The following HEATR4 variants were observed in gnomAD, a reference collection of about 807,000 sequenced individuals.
HEATR4 encodes HEAT repeat-containing protein 4.
In HEATR4, 95 loss-of-function variants were observed where a neutral mutation model predicts 108.8. The ratio of observed to expected loss-of-function variants is 0.87; its 90% CI spans 0.74 to 1.04. HEATR4 has a LOEUF of 1.04. HEATR4 is among the 50% of genes least tolerant of loss of function. The pLI is 0.00. For synonymous variants in HEATR4, 443 were observed against 459.4 expected, an observed-to-expected ratio of 0.96 and a Z score of 0.46; for missense variants, 1,152 against 1,253.8, an observed-to-expected ratio of 0.92 and a Z score of 1.23.
chr14:73,490,928 T>A (rs1885664056), intron 17 of HEATR4: 1 of 1,260,048 alleles, frequency 7.9e-7, no homozygotes, highest in Non-Finnish European at 1.0e-6. Context: ...CCGCGCCCCC[T>A]TCCCAGAGTG....
chr14:73,595,001 A>C, the HEATR4 span: 2 of 1,598,614 alleles, frequency 1.3e-6, no homozygotes, highest in African/African-American at 2.7e-5. Context: ...CACCGCACCC[A>C]ATCTGGATAA....
At chr14:73,590,473 C>T in the HEATR4 span, among the ~76,000 whole-genome samples, 4 of 152,388 alleles carry the variant, frequency 2.6e-5, no homozygotes, top group Admixed American at 6.5e-5. Context: ...CCGCGCCGTG[C>T]GCCCGCACTT....
Position 73,550,941 on chromosome 14 carries a change from G to C in HEATR4, c.-152+7810C>G, listed in dbSNP as rs866330389. ...TTGGGAGACAGAGGCGGGCCGATAC[G>C]AGGTCAGGAGTTCGAGACCAGCCTG... On this transcript the variant is annotated intron_variant, in intron 1 of 17. Transcript: ENST00000553558. 4.5e-4 allele frequency among the ~76,000 whole-genome samples: 51 copies of C among 114,142 alleles called. 13 individuals are homozygous for C. The highest frequency in any genetic ancestry group is 8.5e-4 in the South Asian group (3 of 3,550). The allele number at this position is 114,142 out of a possible 152,430, so 74.9% of individuals were successfully genotyped here. A position where few individuals can be genotyped will look rare whatever the true frequency, so the allele number is the denominator to read the frequency against.
chr14:73,504,712 G>T (rs1182188249), intron 10 of HEATR4, among the ~76,000 whole-genome samples: 1 of 152,124 alleles, frequency 6.6e-6, no homozygotes, highest in Admixed American at 6.5e-5. Context: ...AAAATGTCAG[G>T]GTTACAGAGT....
intron 10 of HEATR4, among the ~76,000 whole-genome samples, chr14:73,505,819 G>A (rs78308135): frequency 0.01 from 1,514 of 150,502 alleles, 32 homozygotes; most frequent in African/African-American, 0.035. Flanking sequence ...CAATTTTGGC[G>A]GGGGGGAAAT....
chr14:73,574,669 A>C, the HEATR4 span, among the ~76,000 whole-genome samples: 38 of 152,186 alleles, frequency 2.5e-4, no homozygotes, highest in East Asian at 6.2e-3. Flanking sequence ...AGATTAAGGA[A>C]CTGAGAAACC....
the HEATR4 span, among the ~76,000 whole-genome samples, chr14:73,615,388 T>TTAAAAAAAAAAA: frequency 1.6e-5 from 1 of 63,338 alleles, no homozygotes; most frequent in Admixed American, 1.8e-4. Flanking sequence ...CTCTGTCTGA[T>TTAAAAAAAAAAA]AAAAAAAAAA....
chr14:73,611,291 G>C, the HEATR4 span, among the ~76,000 whole-genome samples: 1 of 152,144 alleles, frequency 6.6e-6, no homozygotes, highest in African/African-American at 2.4e-5. Flanking sequence ...GCATTAGCAA[G>C]ATACTGAAAA....
chr14:73,478,542 TA>T lies in HEATR4; in HGVS notation c.*63del, dbSNP rs1885103690. 2.8e-6 allele frequency: 3 copies of T among 1,066,054 alleles called. No individual in the cohort carries two copies. The African/African-American group carries it at 4.8e-5, about 17-fold the overall frequency. The allele number at this position is 1,066,054 out of a possible 1,614,324, so 66.0% of individuals were successfully genotyped here. ...GACAACAAGATTGTACAGTATCAAT[TA>T]AAAAGACCCAATGTGACCAGGTCCA... is the stretch of plus-strand genomic sequence containing the variant. On this transcript the variant is annotated 3_prime_UTR_variant, in exon 18 of 18. Coordinates refer to ENST00000553558, the MANE Select transcript of HEATR4 (RefSeq NM_001220484.1).
At chr14:73,616,346 C>T in the HEATR4 span, among the ~76,000 whole-genome samples, 93 of 151,392 alleles carry the variant, frequency 6.1e-4, no homozygotes, top group African/African-American at 2.1e-3. Context: ...GAGATAGAGT[C>T]TCACTCTGTC....
chr14:73,527,961 CAAAAAA>C (rs34109465), intron 2 of HEATR4, among the ~76,000 whole-genome samples: 2 of 52,694 alleles, frequency 3.8e-5, no homozygotes, highest in African/African-American at 1.4e-4. Context: ...AACTCCATCT[CAAAAAA>C]AAAAAAAAAA....
chr14:73,480,231 C>G (rs965737108), intron 17 of HEATR4, among the ~76,000 whole-genome samples: 2 of 152,090 alleles, frequency 1.3e-5, no homozygotes, highest in African/African-American at 4.8e-5. Context: ...CACTTGAGGT[C>G]GGGAGTTCAA....
the HEATR4 span, among the ~76,000 whole-genome samples, chr14:73,602,156 G>T: frequency 6.6e-6 from 1 of 152,106 alleles, no homozygotes; most frequent in Admixed American, 6.6e-5. Flanking sequence ...GGCCAGGTTG[G>T]TCTTGAACTC....
chr14:73,560,844 C>A (rs994279538), upstream of HEATR4, among the ~76,000 whole-genome samples: 1 of 151,760 alleles, frequency 6.6e-6, no homozygotes, highest in African/African-American at 2.4e-5. Flanking sequence ...GTTGAAGGTT[C>A]CTCAAAAAAT....
the HEATR4 span, among the ~76,000 whole-genome samples, chr14:73,598,507 A>T: frequency 1.3e-5 from 2 of 152,128 alleles, no homozygotes; most frequent in Admixed American, 6.5e-5. Context: ...AGGCGAGGTC[A>T]TAGAACGCCG....
chr14:73,510,181 A>G (rs1056946807), intron 7 of HEATR4, among the ~76,000 whole-genome samples: 35 of 151,798 alleles, frequency 2.3e-4, no homozygotes, highest in African/African-American at 8.2e-4. Flanking sequence ...ATTTGTAAGA[A>G]CAATTATATT....
chr14:73,495,807 T>G (rs960102762), intron 15 of HEATR4, among the ~76,000 whole-genome samples: 1 of 152,058 alleles, frequency 6.6e-6, no homozygotes, highest in Non-Finnish European at 1.5e-5. Flanking sequence ...CTCTATTCCT[T>G]CATCTTATCT....
chr14:73,478,604 G>A lies in HEATR4; in HGVS notation c.*2C>T. 8 of 1,592,236 alleles carry A rather than the reference G, an allele frequency of 5.0e-6. No individual in the cohort carries two copies. Among genetic ancestry groups the A allele is most frequent in the Non-Finnish European group, 6.9e-6 (8 of 1,160,218 alleles). On this transcript the variant is annotated 3_prime_UTR_variant, in exon 18 of 18. Transcript: ENST00000553558. ...CATCTTGAAGTAAGACAAGTGTTCAGCTTAGAGATGAGCACCTTTCTTTCC... is the reference window on the plus strand; with the variant it reads ...CATCTTGAAGTAAGACAAGTGTTCAACTTAGAGATGAGCACCTTTCTTTCC...
At chr14:73,622,988 C>A in the HEATR4 span, among the ~76,000 whole-genome samples, 1 of 152,006 alleles carries the variant, frequency 6.6e-6, no homozygotes, top group Non-Finnish European at 1.5e-5. Flanking sequence ...CGGCTCACTG[C>A]AACATCCGCC....
Sources: gnomAD v4.1 joint callset for allele counts (sites outside exome capture counted in the v4.1 genomes callset) on GRCh38, gnomAD v4.1.1 for gene constraint, MANE v1.5 for transcripts, NCBI Gene and HGNC (gene_info 2026-07-23, HGNC 2026-07-21) for gene names.